The following FBXL4 variants were observed in gnomAD, a reference collection of about 807,000 sequenced individuals.
FBXL4 encodes the protein F-box and leucine rich repeat protein 4, also known as F-box/LRR-repeat protein 4.
In FBXL4, 40 loss-of-function variants were observed where a neutral mutation model predicts 58.9. That is an observed-to-expected ratio of 0.68 (90% CI 0.53 to 0.88). The LOEUF (loss-of-function observed/expected upper bound fraction) is 0.88. FBXL4 is among the 40% of genes least tolerant of loss of function. The pLI, the probability that FBXL4 is intolerant of heterozygous loss-of-function variation, is 0.00. For synonymous variants in FBXL4, 263 were observed against 265.5 expected (o/e 0.99, Z 0.09); for missense variants, 676 against 734.4 (o/e 0.92, Z 0.92).
At position 98,875,717 on chromosome 6, in the gene FBXL4, T is replaced by G. The variant is rs761551398; in HGVS notation, c.1400A>C (p.Tyr467Ser). The change falls in exon 9 of 10, where the codon TAT becomes TCT. Residue 467 changes from tyrosine (Y) to serine (S), a missense_variant. Physicochemically the swap from Tyr to Ser is moderately radical, Grantham distance 144. Coordinates refer to ENST00000369244, the MANE Select transcript of FBXL4 (RefSeq NM_001278716.2). ...SLGSCVMIED[Y>S]DVIASMIGAK... The stretch of plus-strand genomic sequence containing the variant: ...TCCTATCATGCTAGCTATCACATCA[T>G]AGTCTTCAATCTGGAAATCAAATAA... The G allele has an allele frequency of 1.2e-6, 2 of 1,613,372 alleles. No individual in the cohort carries two copies. The highest frequency in any genetic ancestry group is 1.7e-6 in the Non-Finnish European group (2 of 1,179,846).
chr6:98,897,750 A>G (rs1377925420), intron 7 of FBXL4, among the ~76,000 whole-genome samples: 1 of 152,186 alleles, frequency 6.6e-6, no homozygotes, highest in East Asian at 1.9e-4. Flanking sequence ...GGCAGACAGT[A>G]CAAAGAGGCC....
chr6:98,935,348 C>G (rs1773170402), intron 1 of FBXL4, among the ~76,000 whole-genome samples: 1 of 149,292 alleles, frequency 6.7e-6, no homozygotes, highest in South Asian at 2.1e-4. Flanking sequence ...AAACCCTCTT[C>G]CTGCCCAACA....
chr6:98,870,312 A>G lies in FBXL4; in HGVS notation c.*3966T>C, dbSNP rs1770458223. The G allele has an allele frequency of 6.6e-6, 1 of 152,236 alleles. No individual in the cohort carries two copies. The highest frequency in any genetic ancestry group is 1.5e-5 in the Non-Finnish European group (1 of 68,046). The allele number at this position is 152,236 out of a possible 1,614,324, so 9.4% of individuals were successfully genotyped here. On this transcript the variant is annotated 3_prime_UTR_variant, in exon 10 of 10. Coordinates refer to ENST00000369244, the MANE Select transcript of FBXL4 (RefSeq NM_001278716.2). ...AGCCAAATCCAGCCAGCTCATAAGA[A>G]CAGTTTCACATTTTCTAATGGCTGA...
intron 5 of FBXL4, among the ~76,000 whole-genome samples, chr6:98,912,594 A>G (rs1026707059): frequency 1.3e-5 from 2 of 152,202 alleles, no homozygotes; most frequent in Admixed American, 1.3e-4. Context: ...TAAGTGAAGG[A>G]GAAATAAAAT....
intron 5 of FBXL4, among the ~76,000 whole-genome samples, chr6:98,908,024 A>G (rs1771879304): frequency 6.6e-6 from 1 of 152,196 alleles, no homozygotes; most frequent in African/African-American, 2.4e-5. Context: ...AGTGGTCCCT[A>G]TACCTAGAAC....
At chr6:98,911,942 A>C (rs1481838928) in intron 5 of FBXL4, among the ~76,000 whole-genome samples, 2 of 152,220 alleles carry the variant, frequency 1.3e-5, no homozygotes. Flanking sequence ...AATTTAGACA[A>C]ATGTATAACT....
At chr6:98,884,640 T>C (rs1206432490) in intron 7 of FBXL4, among the ~76,000 whole-genome samples, 4 of 152,210 alleles carry the variant, frequency 2.6e-5, no homozygotes, top group Admixed American at 1.3e-4. Flanking sequence ...ATTTTTGATC[T>C]CCTGCAATTA....
intron 7 of FBXL4, among the ~76,000 whole-genome samples, chr6:98,888,847 G>A (rs957553384): frequency 6.6e-6 from 1 of 152,144 alleles, no homozygotes; most frequent in Non-Finnish European, 1.5e-5. Flanking sequence ...TCTAGCAGTA[G>A]AATACATGTT....
intron 7 of FBXL4, among the ~76,000 whole-genome samples, chr6:98,895,303 T>G (rs1303368978): frequency 5.9e-5 from 9 of 152,222 alleles, no homozygotes; most frequent in Non-Finnish European, 1.2e-4. Context: ...CTAAGCTTGT[T>G]CATAGTAAAA....
intron 2 of FBXL4, among the ~76,000 whole-genome samples, chr6:98,934,279 T>C (rs1370411195): frequency 2.0e-5 from 3 of 151,848 alleles, no homozygotes; most frequent in Non-Finnish European, 4.4e-5. Flanking sequence ...CTTAAAGAGA[T>C]AACCTACAAG....
intron 1 of FBXL4, among the ~76,000 whole-genome samples, chr6:98,946,404 A>G (rs1408037498): frequency 6.6e-6 from 1 of 152,242 alleles, no homozygotes; most frequent in Non-Finnish European, 1.5e-5. Context: ...ATTCATGTAG[A>G]TAAAGGCCTT....
chr6:98,899,532 G>C (rs1771528675), intron 6 of FBXL4, 51 bp from the exon 7 acceptor site: 8 of 1,563,150 alleles, frequency 5.1e-6, no homozygotes, highest in Non-Finnish European at 6.9e-6. Context: ...AGATATTTTT[G>C]CAAGAACTTT....
intron 7 of FBXL4, among the ~76,000 whole-genome samples, chr6:98,882,916 C>T (rs765234838): frequency 6.6e-6 from 1 of 151,966 alleles, no homozygotes; most frequent in African/African-American, 2.4e-5. Flanking sequence ...CCTTTATGTG[C>T]TTCCTTGTGC....
intron 7 of FBXL4, chr6:98,898,263 A>G (rs1206024576): frequency 3.1e-6 from 3 of 982,448 alleles, no homozygotes; most frequent in African/African-American, 3.5e-5. Context: ...CAAGGAATAG[A>G]AAGAAGGCCA....
intron 7 of FBXL4, among the ~76,000 whole-genome samples, chr6:98,894,490 T>C (rs1362993871): frequency 2.0e-5 from 3 of 152,226 alleles, no homozygotes; most frequent in East Asian, 3.9e-4. Context: ...CCCATTTCAC[T>C]AGTAATTCTG....
Position 98,926,550 on chromosome 6 carries a change from G to T in FBXL4, c.439C>A (p.His147Asn). ...PTAVHVLETYHPGAVIRILAC... is the reference protein window; with the variant it reads ...PTAVHVLETYNPGAVIRILAC... ...AGAATTCTAATGACTGCTCCGGGAT[G>T]ATAGGTTTCTAGAACATGTACAGCT... Residue 147 changes from histidine to asparagine, a missense_variant, in exon 4 of 10, where the codon CAT becomes AAT. Transcript: ENST00000369244. 4.3e-6 allele frequency: 7 copies of T among 1,614,150 alleles called. No homozygotes were observed. Among genetic ancestry groups the T allele is most frequent in the Non-Finnish European group, 5.9e-6 (7 of 1,180,010 alleles).
chr6:98,922,152 G>T (rs186930489), intron 4 of FBXL4, among the ~76,000 whole-genome samples: 1 of 152,016 alleles, frequency 6.6e-6, no homozygotes, highest in Non-Finnish European at 1.5e-5. Context: ...GGTCTCAAAC[G>T]CTTGACCTTG....
intron 5 of FBXL4, among the ~76,000 whole-genome samples, chr6:98,914,918 C>T (rs1434087476): frequency 6.6e-6 from 1 of 152,126 alleles, no homozygotes; most frequent in African/African-American, 2.4e-5. Context: ...ATCTAGAAAA[C>T]CCCATTGTCT....
chr6:98,888,496 T>C (rs111596573), intron 7 of FBXL4, among the ~76,000 whole-genome samples: 2 of 152,162 alleles, frequency 1.3e-5, no homozygotes, highest in Admixed American at 1.3e-4. Flanking sequence ...ACTGTGAAAA[T>C]GGCACAGTAT....
Sources: allele counts gnomAD v4.1 joint callset (sites outside exome capture counted in the v4.1 genomes callset), GRCh38; gene constraint gnomAD v4.1.1; transcripts MANE v1.5; gene names NCBI Gene and HGNC (gene_info 2026-07-23, HGNC 2026-07-21).